The following LRCH2 variants were observed in gnomAD, a reference collection of about 807,000 sequenced individuals.
The protein encoded by LRCH2 is leucine rich repeats and calponin homology domain containing 2, also known as leucine-rich repeat and calponin homology domain-containing protein 2.
In LRCH2, 38 loss-of-function variants were observed where a neutral mutation model predicts 68.9. The observed-to-expected ratio is 0.55, with a 90% CI of 0.43 to 0.72. The LOEUF is 0.72. LRCH2 is among the 30% of genes least tolerant of loss of function. The pLI is 0.00. For missense variants in LRCH2, 528 were observed against 572.9 expected, an observed-to-expected ratio of 0.92 and a Z score of 0.80; for synonymous variants, 191 against 208.1, an observed-to-expected ratio of 0.92 and a Z score of 0.71.
chrX:115,225,862 G>C (rs183428294), intron 1 of LRCH2, among the ~76,000 whole-genome samples: 9 of 112,064 alleles, frequency 8.0e-5, no homozygotes, highest in Admixed American at 1.9e-4. Flanking sequence ...TTCGTGATCA[G>C]GGGAATGTAA....
intron 20 of LRCH2, among the ~76,000 whole-genome samples, chrX:115,121,433 C>T (rs2072142045): frequency 9.0e-6 from 1 of 110,875 alleles, no homozygotes; most frequent in Admixed American, 9.6e-5. Context: ...GGGTGGATCA[C>T]TTGAGGTCAG....
At chrX:115,212,799 C>G (rs2073017196) in intron 1 of LRCH2, among the ~76,000 whole-genome samples, 1 of 109,219 alleles carries the variant, frequency 9.2e-6, no homozygotes. Context: ...GGCAAAACCC[C>G]ATTTCTACAA....
At chrX:115,143,995 T>C (rs147238343) in intron 14 of LRCH2, among the ~76,000 whole-genome samples, 1 of 112,098 alleles carries the variant, frequency 8.9e-6, no homozygotes, top group East Asian at 2.8e-4. Flanking sequence ...CATCTTGAAT[T>C]GTAACTCACA....
chrX:115,190,658 G>C (rs1161142987), intron 1 of LRCH2: 72 of 531,488 alleles, frequency 1.4e-4, no homozygotes, highest in Non-Finnish European at 1.8e-4. Flanking sequence ...GGCCGCAACA[G>C]TTCCAGCAAC....
chrX:115,113,137 A>G lies in LRCH2; in HGVS notation c.*79T>C. 1 of 956,368 alleles carries G rather than the reference A, an allele frequency of 1.0e-6. No homozygotes were observed. Among genetic ancestry groups the G allele is most frequent in the Non-Finnish European group, 1.4e-6 (1 of 718,416 alleles). 78.8% of individuals were successfully genotyped at this position (956,368 alleles called of 1,213,427 possible). A position where few individuals can be genotyped will look rare whatever the true frequency, so the allele number is the denominator to read the frequency against. Reference sequence around the variant, plus strand: ...TAAGGCAAACTATTTTTGACGGAATATTCTTATTCATGAATTTGAAATATT... The same window carrying G: ...TAAGGCAAACTATTTTTGACGGAATGTTCTTATTCATGAATTTGAAATATT... On this transcript the variant is annotated 3_prime_UTR_variant, in exon 21 of 21. Transcript: ENST00000317135.
chrX:115,165,127 A>G (rs1490272146), intron 10 of LRCH2, among the ~76,000 whole-genome samples: 2 of 110,266 alleles, frequency 1.8e-5, no homozygotes, highest in African/African-American at 6.6e-5. Context: ...AAATGAAGCA[A>G]TGTATATGAC....
chrX:115,203,828 G>A (rs782065017), intron 1 of LRCH2, among the ~76,000 whole-genome samples: 1 of 111,653 alleles, frequency 9.0e-6, no homozygotes, highest in Non-Finnish European at 1.9e-5. Flanking sequence ...CCAGGTGCTC[G>A]GTACAAACTG....
intron 14 of LRCH2, among the ~76,000 whole-genome samples, chrX:115,133,110 T>C (rs889491691): frequency 1.8e-5 from 2 of 111,959 alleles, no homozygotes; most frequent in Non-Finnish European, 3.8e-5. Context: ...TAATGAGGTA[T>C]ACATCATGAA....
chrX:115,136,525 G>T (rs949496537), intron 14 of LRCH2, among the ~76,000 whole-genome samples: 1 of 108,844 alleles, frequency 9.2e-6, no homozygotes, highest in Non-Finnish European at 1.9e-5. Context: ...TTCAATCAAG[G>T]TTGGCTGAAT....
rs1556559185 is a variant in LRCH2 at position 115,191,356 on chromosome X, G to C, written c.350-2986C>G. 4 of 1,148,806 alleles carry C rather than the reference G, an allele frequency of 3.5e-6. No homozygotes were observed. The Admixed American group carries it at 1.1e-4, about 31-fold the overall frequency. The allele number at this position is 1,148,806 out of a possible 1,213,427, so 94.7% of individuals were successfully genotyped here. On this transcript the variant is annotated intron_variant, in intron 1 of 20. Coordinates refer to ENST00000317135, the MANE Select transcript of LRCH2 (RefSeq NM_020871.4). Reference sequence around the variant, plus strand: ...CGAGGAGTACCGAGGCCGCTCCCTTGATGCCAACAGTGGAGGCCGCTCGCC... The same window carrying C: ...CGAGGAGTACCGAGGCCGCTCCCTTCATGCCAACAGTGGAGGCCGCTCGCC...
rs5988224 is a variant in LRCH2, at chrX:115,118,438, T to A, written c.2178+4089A>T. ...TCTAGAAGAAATGGATAAATTCCTC[T>A]ACACATACACCCTCCCAAGACTAAA... On this transcript the variant is annotated intron_variant, in intron 20 of 20. Transcript: ENST00000317135. Among the ~76,000 whole-genome samples, 104 of 106,762 alleles carry A rather than the reference T, an allele frequency of 9.7e-4. 1 individual carries two copies. The South Asian group carries it at 0.028, about 29-fold the overall frequency. The allele number at this position is 106,762 out of a possible 115,157, so 92.7% of individuals were successfully genotyped here.
At chrX:115,143,895 A>G (rs1271846359) in intron 14 of LRCH2, among the ~76,000 whole-genome samples, 2 of 111,917 alleles carry the variant, frequency 1.8e-5, no homozygotes, top group Admixed American at 9.5e-5. Flanking sequence ...GACCATTCCA[A>G]TTGATGCCGG....
chrX:115,125,135 C>T (rs1556527152), intron 16 of LRCH2, among the ~76,000 whole-genome samples: 1 of 109,031 alleles, frequency 9.2e-6, no homozygotes, highest in African/African-American at 3.3e-5. Flanking sequence ...AAATATATTA[C>T]AAAACTCACA....
intron 14 of LRCH2, among the ~76,000 whole-genome samples, chrX:115,143,492 G>T (rs782579948): frequency 1.8e-5 from 2 of 111,232 alleles, no homozygotes; most frequent in Non-Finnish European, 3.8e-5. Context: ...GTAATAAATA[G>T]TCTCCCAGGA....
intron 14 of LRCH2, among the ~76,000 whole-genome samples, chrX:115,136,761 T>C (rs1290862431): frequency 8.9e-6 from 1 of 112,021 alleles, no homozygotes; most frequent in Non-Finnish European, 1.9e-5. Context: ...AAAGAAGGAA[T>C]GGTCCACGAA....
chrX:115,206,776 T>A (rs2072970726), intron 1 of LRCH2, among the ~76,000 whole-genome samples: 1 of 109,229 alleles, frequency 9.2e-6, no homozygotes, highest in African/African-American at 3.3e-5. Flanking sequence ...TGGGTTAGGG[T>A]CTCCACAACT....
chrX:115,140,705 A>T (rs1556533876), intron 14 of LRCH2, among the ~76,000 whole-genome samples: 1 of 111,379 alleles, frequency 9.0e-6, no homozygotes, highest in Non-Finnish European at 1.9e-5. Context: ...GGGCTAGCAG[A>T]ACCTCCCATG....
intron 14 of LRCH2, among the ~76,000 whole-genome samples, chrX:115,138,525 C>T (rs1556532774): frequency 9.0e-6 from 1 of 111,296 alleles, no homozygotes; most frequent in East Asian, 2.8e-4. Context: ...AGCTATCATT[C>T]TTGCAACGAG....
intron 1 of LRCH2, chrX:115,190,839 A>C: frequency 8.7e-7 from 1 of 1,154,600 alleles, no homozygotes; most frequent in African/African-American, 1.8e-5. Context: ...ACTGCTGCGG[A>C]GGAGGAGGCC....
Sources: gnomAD v4.1 joint callset for allele counts (sites outside exome capture counted in the v4.1 genomes callset) on GRCh38, gnomAD v4.1.1 for gene constraint, MANE v1.5 for transcripts, NCBI Gene and HGNC (gene_info 2026-07-23, HGNC 2026-07-21) for gene names.